Variants in GSE1 observed in about 807,000 individuals in gnomAD.
GSE1 encodes the protein Gse1 coiled-coil protein.
A neutral mutation model predicts 112.6 loss-of-function variants in GSE1; 32 were observed. That is an observed-to-expected ratio of 0.28 (90% CI 0.21 to 0.38). GSE1 has a LOEUF of 0.38. Among genes scored for constraint, GSE1 ranks in the 10% least tolerant of loss-of-function variants. The pLI is 1.00. For synonymous variants in GSE1, 1,115 were observed against 735.6 expected (o/e 1.52, Z -8.35); for missense variants, 2,348 against 1,699.2 (o/e 1.38, Z -6.71).
At chr16:85,631,458 G>T (rs974799490) in intron 1 of GSE1, among the ~76,000 whole-genome samples, 1 of 152,252 alleles carries the variant, frequency 6.6e-6, no homozygotes, top group Non-Finnish European at 1.5e-5. Flanking sequence ...CTTGTGGGCA[G>T]GGTGCCTGCC....
At chr16:85,556,591 G>A (rs2045227271) in intron 1 of GSE1, among the ~76,000 whole-genome samples, 1 of 150,120 alleles carries the variant, frequency 6.7e-6, no homozygotes, top group African/African-American at 2.4e-5. Flanking sequence ...CCCCCATCGC[G>A]CCGCCGCCGG....
intron 2 of GSE1, among the ~76,000 whole-genome samples, chr16:85,643,495 C>G (rs369998103): frequency 3.2e-4 from 48 of 152,284 alleles, no homozygotes; most frequent in African/African-American, 1.0e-3. Context: ...CTTCCTCACC[C>G]GCGCCTCTTT....
At chr16:85,556,838 C>A (rs1313272197) in intron 1 of GSE1, among the ~76,000 whole-genome samples, 1 of 149,626 alleles carries the variant, frequency 6.7e-6, no homozygotes, top group Non-Finnish European at 1.5e-5. Flanking sequence ...GCTCGCCGGC[C>A]CCCCCGCCGC....
rs1035947573 is a variant in GSE1 at position 85,419,282 on chromosome 16, C to T, written c.2464+61639C>T. 5.3e-5 allele frequency among the ~76,000 whole-genome samples: 8 copies of T among 152,152 alleles called. No homozygotes were observed. Among genetic ancestry groups the T allele is most frequent in the Non-Finnish European group, 1.2e-4 (8 of 68,028 alleles). The stretch of plus-strand genomic sequence containing the variant: ...TCATAGAGGGCGCTAGAGGCCACCT[C>T]AGGAGGCAACATTTAGAGTCGGGGT... On this transcript the variant is annotated intron_variant, in intron 2 of 2. Transcript: ENST00000637419. The surrounding 1 kb of genome is among the most constrained non-coding windows in gnomAD (Gnocchi z 6.5).
At chr16:85,626,822 C>T (rs1006977234) in intron 1 of GSE1, among the ~76,000 whole-genome samples, 3 of 152,028 alleles carry the variant, frequency 2.0e-5, no homozygotes, top group African/African-American at 4.8e-5. Context: ...CCCCTCCAGC[C>T]TCGTGGGGAG....
chr16:85,470,488 A>C (rs765166390), intron 2 of GSE1, among the ~76,000 whole-genome samples: 1 of 152,150 alleles, frequency 6.6e-6, no homozygotes, highest in East Asian at 1.9e-4. Context: ...CGGCCACTGC[A>C]CCTGGGATGC....
At chr16:85,319,836 C>T (rs955678487) in intron 1 of GSE1, among the ~76,000 whole-genome samples, 5 of 152,190 alleles carry the variant, frequency 3.3e-5, no homozygotes, top group Admixed American at 2.0e-4. Context: ...AGTACAACAT[C>T]CTTGAACTGA....
chr16:85,558,855 G>A (rs1005587061), intron 1 of GSE1, among the ~76,000 whole-genome samples: 2 of 152,134 alleles, frequency 1.3e-5, no homozygotes, highest in Admixed American at 1.3e-4. Context: ...AACGGCAGTG[G>A]CCTGGTCCTC....
intron 1 of GSE1, among the ~76,000 whole-genome samples, chr16:85,615,367 C>G (rs1001821039): frequency 6.6e-6 from 1 of 152,230 alleles, no homozygotes; most frequent in Non-Finnish European, 1.5e-5. Flanking sequence ...AGAGACTTTC[C>G]GAGACAGCCA....
At chr16:85,214,974 C>T (rs1389899565) in intron 1 of GSE1, among the ~76,000 whole-genome samples, 2 of 152,066 alleles carry the variant, frequency 1.3e-5, no homozygotes, top group South Asian at 2.1e-4. Context: ...CTGCGGGTGG[C>T]GGGTGGGTGG....
intron 1 of GSE1, among the ~76,000 whole-genome samples, chr16:85,225,531 C>T (rs542341020): frequency 5.9e-5 from 9 of 152,316 alleles, no homozygotes; most frequent in Non-Finnish European, 1.3e-4. Flanking sequence ...CAGGGAGGTG[C>T]AGCCTGATCC....
chr16:85,237,237 G>A (rs1326630200), intron 1 of GSE1, among the ~76,000 whole-genome samples: 1 of 152,040 alleles, frequency 6.6e-6, no homozygotes, highest in African/African-American at 2.4e-5. Flanking sequence ...GCAGGAGAAT[G>A]ACTTGTACCC....
chr16:85,220,273 G>A (rs539023530), intron 1 of GSE1, among the ~76,000 whole-genome samples: 42 of 152,356 alleles, frequency 2.8e-4, no homozygotes, highest in African/African-American at 1.0e-3. Context: ...TCAGTTAGGA[G>A]CTGGGGGCAG....
intron 2 of GSE1, among the ~76,000 whole-genome samples, chr16:85,375,335 T>C (rs1432225911): frequency 6.6e-6 from 1 of 151,710 alleles, no homozygotes; most frequent in African/African-American, 2.4e-5. Context: ...CTCCCCCAGG[T>C]GAGGGGCAAT....
exon 1 of GSE1, chr16:85,170,756 A>T (rs1375622861): frequency 3.0e-6 from 3 of 985,378 alleles, no homozygotes; most frequent in Non-Finnish European, 3.6e-6. Context: ...CCAGGGGCAC[A>T]GCCCATCAGC....
upstream of GSE1, among the ~76,000 whole-genome samples, chr16:85,612,040 A>G (rs528371629): frequency 9.2e-5 from 14 of 151,914 alleles, no homozygotes; most frequent in South Asian, 1.0e-3. Context: ...GGTTTGCCCC[A>G]GGGCTCAGAA....
intron 1 of GSE1, among the ~76,000 whole-genome samples, chr16:85,288,076 C>A (rs1354709716): frequency 6.6e-6 from 1 of 152,098 alleles, no homozygotes; most frequent in Admixed American, 6.5e-5. Flanking sequence ...CTTATCTCTA[C>A]TAAAAATATA....
In GSE1 at chr16:85,661,329, C is replaced by T; in HGVS notation, c.1824C>T (p.His608=). Residue 608 remains histidine, a synonymous_variant, in exon 9 of 16, where the codon CAC becomes CAT. Transcript: ENST00000253458. ...CCGAAAGCCACTCTCTGCACAGCCA[C>T]CCGGCTGCATTTGAGCCCAGCCGCC... ...RRAESHSLHS[H]PAAFEPSRQA... is the part of the protein sequence containing the mutation. The T allele has an allele frequency of 6.2e-7, 1 of 1,612,402 alleles. No homozygotes were observed.
At chr16:85,540,452 G>T (rs2044480738) in intron 2 of GSE1, among the ~76,000 whole-genome samples, 2 of 152,194 alleles carry the variant, frequency 1.3e-5, no homozygotes, top group African/African-American at 4.8e-5. Context: ...AGTGCCTGAG[G>T]CTTGGCTTTG....
Sources: gnomAD v4.1 joint callset for allele counts (sites outside exome capture counted in the v4.1 genomes callset) on GRCh38, gnomAD v4.1.1 for gene constraint, Gnocchi (gnomAD v3.1) non-coding constraint, MANE v1.5 for transcripts, NCBI Gene and HGNC (gene_info 2026-07-23, HGNC 2026-07-21) for gene names.